AP2A2: variants seen among roughly 807,000 people sequenced by gnomAD.
The protein encoded by AP2A2 is AP-2 complex subunit alpha-2.
In AP2A2, 32 loss-of-function variants were observed where a neutral mutation model predicts 104.2. The observed-to-expected ratio is 0.31, with a 90% CI of 0.23 to 0.41. AP2A2 has a LOEUF of 0.41. Among genes scored for constraint, AP2A2 ranks in the 10% least tolerant of loss-of-function variants. The pLI, the probability that AP2A2 is intolerant of heterozygous loss-of-function variation, is 1.00. For synonymous variants in AP2A2, 539 were observed against 533.3 expected (o/e 1.01, Z -0.15); for missense variants, 912 against 1,261.0 (o/e 0.72, Z 4.19).
chr11:930,998 A>G (rs1425118330), intron 1 of AP2A2, among the ~76,000 whole-genome samples: 2 of 152,172 alleles, frequency 1.3e-5, no homozygotes, highest in African/African-American at 2.4e-5. Context: ...TCCCTACCTC[A>G]GTCAAGATAC....
intron 1 of AP2A2, among the ~76,000 whole-genome samples, chr11:942,734 T>C (rs1853698620): frequency 6.6e-6 from 1 of 152,206 alleles, no homozygotes; most frequent in Non-Finnish European, 1.5e-5. Flanking sequence ...TATGTGGGCA[T>C]ATTGTGTGAC....
intron 9 of AP2A2, among the ~76,000 whole-genome samples, chr11:987,801 A>G (rs1855514154): frequency 6.6e-6 from 1 of 152,222 alleles, no homozygotes; most frequent in South Asian, 2.1e-4. Context: ...ACCGGTGCAC[A>G]TGCGTTAGGG....
chr11:958,115 G>A (rs550749310), intron 1 of AP2A2, among the ~76,000 whole-genome samples: 10 of 152,252 alleles, frequency 6.6e-5, no homozygotes, highest in Non-Finnish European at 1.0e-4. Context: ...GTTAAATGAA[G>A]TCATAGAGGT....
intron 2 of AP2A2, among the ~76,000 whole-genome samples, chr11:963,381 G>A (rs963151974): frequency 2.4e-4 from 37 of 151,972 alleles, no homozygotes; most frequent in Non-Finnish European, 2.5e-4. Context: ...AGCCGAGATC[G>A]TGCCAGTGCA....
chr11:1,005,296 G>A (rs747049970), intron 16 of AP2A2, among the ~76,000 whole-genome samples: 20 of 152,214 alleles, frequency 1.3e-4, no homozygotes, highest in Non-Finnish European at 2.4e-4. Flanking sequence ...CAGTGACTTC[G>A]TAGAGACAGA....
rs911406950 is a variant in AP2A2, at chr11:1,010,410, C to T, written c.2743-138C>T. 6.0e-6 allele frequency: 4 copies of T among 662,654 alleles called. No individual in the cohort carries two copies. The African/African-American group carries it at 7.2e-5, about 12-fold the overall frequency. The allele number at this position is 662,654 out of a possible 1,614,324, so 41.0% of individuals were successfully genotyped here. A position where few individuals can be genotyped will look rare whatever the true frequency, so the allele number is the denominator to read the frequency against. On this transcript the variant is annotated intron_variant, in intron 21 of 21. Coordinates refer to ENST00000448903, the MANE Select transcript of AP2A2 (RefSeq NM_012305.4). ...TCATGCTGACAGTGTGTGTGGTGCTCAGGCCTCTGCCGAGTTGTGGGTGCC... is the reference window on the plus strand; with the variant it reads ...TCATGCTGACAGTGTGTGTGGTGCTTAGGCCTCTGCCGAGTTGTGGGTGCC...
At chr11:997,891 T>G (rs1049085128) in intron 14 of AP2A2, among the ~76,000 whole-genome samples, 1 of 151,914 alleles carries the variant, frequency 6.6e-6, no homozygotes, top group Non-Finnish European at 1.5e-5. Context: ...GGTAACAGAG[T>G]GAGACTCGGT....
Position 1,011,529 on chromosome 11 carries a change from G to T in AP2A2, c.*904G>T. On this transcript the variant is annotated 3_prime_UTR_variant, in exon 22 of 22. Coordinates refer to ENST00000448903, the MANE Select transcript of AP2A2 (RefSeq NM_012305.4). ...TGGTCAGGAAGTGAAGGGGCCATTG[G>T]CCGCATGCCATGTGCCACCTGCGGC... The T allele has an allele frequency of 2.1e-6, 1 of 484,180 alleles. No individual in the cohort carries two copies. The highest frequency in any genetic ancestry group is 6.0e-5 in the East Asian group (1 of 16,674). The allele number at this position is 484,180 out of a possible 1,614,324, so 30.0% of individuals were successfully genotyped here.
rs11246356 is a variant in AP2A2 at position 961,657 on chromosome 11, G to A, written c.136+2152G>A. 1.2e-3 allele frequency among the ~76,000 whole-genome samples: 36 copies of A among 30,418 alleles called. 1 individual carries two copies. Among genetic ancestry groups the A allele is most frequent in the Admixed American group, 1.4e-3 (2 of 1,386 alleles). The allele number at this position is 30,418 out of a possible 152,430, so 20.0% of individuals were successfully genotyped here. On this transcript the variant is annotated intron_variant, in intron 2 of 21. Transcript: ENST00000448903. Reference sequence around the variant, plus strand: ...TTGCCACCAGTGAAAAGTAAAGGGCGGAAGCAGATGGAGATGTGGGTCTGA... The same window carrying A: ...TTGCCACCAGTGAAAAGTAAAGGGCAGAAGCAGATGGAGATGTGGGTCTGA...
intron 7 of AP2A2, among the ~76,000 whole-genome samples, chr11:985,154 T>C (rs1855408326): frequency 6.6e-6 from 1 of 152,138 alleles, no homozygotes; most frequent in South Asian, 2.1e-4. Context: ...CGGCTAACTT[T>C]TGCGTTTTTG....
Position 925,960 on chromosome 11 carries a change from T to TCCCGCTC in AP2A2, c.-56_-50dup, listed in dbSNP as rs1163961803. 87 of 1,299,112 alleles carry TCCCGCTC rather than the reference T, an allele frequency of 6.7e-5. No individual in the cohort carries two copies. Among genetic ancestry groups the TCCCGCTC allele is most frequent in the Non-Finnish European group, 8.3e-5 (82 of 991,882 alleles). 80.5% of individuals were successfully genotyped at this position (1,299,112 alleles called of 1,614,324 possible). On this transcript the variant is annotated 5_prime_UTR_variant, in exon 1 of 22. Transcript: ENST00000448903. Reference sequence around the variant, plus strand: ...GGTGACGGCGACCGCACTCCCCGCTTCCCGCTCCCCGCGCTCCTCCGCCCG... The same window carrying TCCCGCTC: ...GGTGACGGCGACCGCACTCCCCGCTTCCCGCTCCCCGCTCCCCGCGCTCCTCCGCCCG...
At chr11:927,416 C>T (rs2134441652) in intron 1 of AP2A2, among the ~76,000 whole-genome samples, 1 of 151,922 alleles carries the variant, frequency 6.6e-6, no homozygotes, top group South Asian at 2.1e-4. Flanking sequence ...TTTGAATTCT[C>T]ATCTCCTTAG....
chr11:993,868 G>A lies in AP2A2; in HGVS notation c.1665G>A (p.Lys555=), dbSNP rs1370430051. Residue 555 remains lysine (K), a synonymous_variant, in exon 13 of 22, where the codon AAG becomes AAA. Coordinates refer to ENST00000448903, the MANE Select transcript of AP2A2 (RefSeq NM_012305.4). This position sits in a 1 kb window ranked among gnomAD's most constrained non-coding sequence, Gnocchi z 8.2. ...TCGTGAACCTCTTCCCGGAGGTGAAGCCCACCATCCAGGACGTGCTGCGCA... is the reference window on the plus strand; with the variant it reads ...TCGTGAACCTCTTCCCGGAGGTGAAACCCACCATCCAGGACGTGCTGCGCA... ...IKFVNLFPEV[K]PTIQDVLRSD... The A allele has an allele frequency of 6.2e-7, 1 of 1,610,082 alleles. No individual in the cohort carries two copies. Among genetic ancestry groups the A allele is most frequent in the Admixed American group, 1.7e-5 (1 of 59,936 alleles).
chr11:997,819 T>C (rs1330304370), intron 14 of AP2A2, among the ~76,000 whole-genome samples: 1 of 152,140 alleles, frequency 6.6e-6, no homozygotes, highest in Non-Finnish European at 1.5e-5. Flanking sequence ...GCAGGAGAAT[T>C]GCTTGAACCC....
intron 1 of AP2A2, among the ~76,000 whole-genome samples, chr11:946,058 C>T (rs1048835182): frequency 6.6e-6 from 1 of 152,164 alleles, no homozygotes; most frequent in Admixed American, 6.5e-5. Context: ...GGAGTGAGGC[C>T]TCTGTAATCC....
At position 977,158 on chromosome 11, in the gene AP2A2, C is replaced by T; in HGVS notation, c.537C>T (p.Ser179=). The T allele has an allele frequency of 6.2e-7, 1 of 1,613,406 alleles. No homozygotes were observed. Among genetic ancestry groups the T allele is most frequent in the Non-Finnish European group, 8.5e-7 (1 of 1,179,558 alleles). Residue 179 remains serine (S), a synonymous_variant, in exon 5 of 22, where the codon TCC becomes TCT. Coordinates refer to ENST00000448903, the MANE Select transcript of AP2A2 (RefSeq NM_012305.4). The part of the protein sequence containing the change: ...ALCLLRLYRT[S]PDLVPMGDWT... Reference sequence around the variant, plus strand: ...GCTTGCTGCGCCTGTACAGGACGTCCCCCGATCTTGTCCCCATGGGCGACT... The same window carrying T: ...GCTTGCTGCGCCTGTACAGGACGTCTCCCGATCTTGTCCCCATGGGCGACT...
At position 970,214 on chromosome 11, in the gene AP2A2, A is replaced by G; in HGVS notation, c.182A>G (p.Lys61Arg). Residue 61 changes from lysine to arginine, a missense_variant, in exon 3 of 22, where the codon AAG (lysine) becomes AGG (arginine). Physicochemically the swap from Lys to Arg is conservative, Grantham distance 26. Around this residue, in one of 7 missense-constraint regions of AP2A2, gnomAD observed 17 missense variants for 57.3 expected, o/e 0.30. Coordinates refer to ENST00000448903, the MANE Select transcript of AP2A2 (RefSeq NM_012305.4). Reference protein sequence around the residue: ...DGYSKKKYVCKLLFIFLLGHD... With the variant: ...DGYSKKKYVCRLLFIFLLGHD... ...TATAGTAAAAAAAAGTACGTCTGCA[A>G]GTTGCTCTTCATCTTTCTCCTTGGT... The G allele has an allele frequency of 6.2e-7, 1 of 1,614,022 alleles. No individual in the cohort carries two copies. Among genetic ancestry groups the G allele is most frequent in the Non-Finnish European group, 8.5e-7 (1 of 1,179,882 alleles).
At chr11:985,411 G>A (rs1373637870) in intron 7 of AP2A2, 24 bp from the exon 8 acceptor site, 1 of 1,608,758 alleles carries the variant, frequency 6.2e-7, no homozygotes, top group Non-Finnish European at 8.5e-7. Flanking sequence ...AGACTGGTGA[G>A]CACCGTTCTG....
chr11:1,008,263 G>C, intron 18 of AP2A2, 128 bp downstream of exon 18: 2 of 1,321,042 alleles, frequency 1.5e-6, no homozygotes, highest in Non-Finnish European at 2.0e-6. Flanking sequence ...CACGGTGCAT[G>C]GATGCGGCCT....
Sources: gnomAD v4.1 joint callset for allele counts (sites outside exome capture counted in the v4.1 genomes callset) on GRCh38, gnomAD v4.1.1 for gene constraint, gnomAD v4.1.1 regional missense constraint, Gnocchi (gnomAD v3.1) non-coding constraint, MANE v1.5 for transcripts, NCBI Gene and HGNC (gene_info 2026-07-23, HGNC 2026-07-21) for gene names.